NXNL2: variants seen among roughly 807,000 people sequenced by gnomAD.
NXNL2 encodes the protein nucleoredoxin-like protein 2.
NXNL2 carries 7 observed loss-of-function variants against 11.1 expected under a neutral mutation model. The observed-to-expected ratio is 0.63, with a 90% CI of 0.36 to 1.18. The LOEUF (loss-of-function observed/expected upper bound fraction) is 1.18. NXNL2 is among the 50% of genes most tolerant of loss of function. The pLI is 0.02. For missense variants in NXNL2, 233 were observed against 217.7 expected, an observed-to-expected ratio of 1.07 and a Z score of -0.44; for synonymous variants, 109 against 101.8, an observed-to-expected ratio of 1.07 and a Z score of -0.42.
At chr9:88,566,113 G>A (rs1372976118) in intron 1 of NXNL2, among the ~76,000 whole-genome samples, 1 of 152,076 alleles carries the variant, frequency 6.6e-6, no homozygotes, top group Non-Finnish European at 1.5e-5. Context: ...ACAGTTTACA[G>A]ATATTTTCTC....
chr9:88,572,051 G>A (rs1475024324), intron 2 of NXNL2, among the ~76,000 whole-genome samples: 3 of 152,192 alleles, frequency 2.0e-5, no homozygotes. Context: ...CGTGCCCAGA[G>A]AAGGCGGTTT....
At chr9:88,579,273 C>G (rs532407805), downstream of NXNL2, among the ~76,000 whole-genome samples, 1 of 152,172 alleles carries the variant, frequency 6.6e-6, no homozygotes, top group Non-Finnish European at 1.5e-5. Flanking sequence ...CTCTTGGTTG[C>G]GGGAGGCCCC....
At chr9:88,575,932 T>A (rs1338740156), downstream of NXNL2, 1 of 152,210 alleles carries the variant, frequency 6.6e-6, no homozygotes, top group African/African-American at 2.4e-5. Context: ...CGGTGGCTCA[T>A]ACCTGTAATC....
At chr9:88,578,108 G>A (rs1252924504), downstream of NXNL2, among the ~76,000 whole-genome samples, 2 of 152,210 alleles carry the variant, frequency 1.3e-5, no homozygotes, top group Non-Finnish European at 2.9e-5. Context: ...TGGGGTGGTA[G>A]AGGGCACCCC....
chr9:88,551,778 T>C (rs1220187002), intron 1 of NXNL2, among the ~76,000 whole-genome samples: 2 of 152,226 alleles, frequency 1.3e-5, no homozygotes, highest in African/African-American at 4.8e-5. Flanking sequence ...AAGATTGCTC[T>C]TTCTGGCTTG....
At chr9:88,542,639 A>G (rs1829784017) in intron 1 of NXNL2, among the ~76,000 whole-genome samples, 1 of 152,208 alleles carries the variant, frequency 6.6e-6, no homozygotes, top group African/African-American at 2.4e-5. Flanking sequence ...TGGTCTGATT[A>G]AGTGATCTAT....
chr9:88,576,206 AAAAC>A (rs565558510), downstream of NXNL2, among the ~76,000 whole-genome samples: 79 of 152,348 alleles, frequency 5.2e-4, no homozygotes, highest in Non-Finnish European at 8.4e-4. Flanking sequence ...AAAAGAAAAC[AAAAC>A]AAACAAACAA....
At chr9:88,567,550 T>A (rs1166366745) in intron 1 of NXNL2, among the ~76,000 whole-genome samples, 1 of 152,228 alleles carries the variant, frequency 6.6e-6, no homozygotes, top group African/African-American at 2.4e-5. Context: ...CTTCAATAAA[T>A]ATCCTTGTAT....
chr9:88,541,211 G>T (rs373073827), intron 1 of NXNL2, among the ~76,000 whole-genome samples: 1 of 150,116 alleles, frequency 6.7e-6, no homozygotes, highest in African/African-American at 2.5e-5. Flanking sequence ...GACCAGGCTG[G>T]CCTGATTTTT....
At chr9:88,548,339 C>CAAAAAAAAAAA (rs60796870), downstream of NXNL2, among the ~76,000 whole-genome samples, 1 of 31,068 alleles carries the variant, frequency 3.2e-5, no homozygotes, top group Non-Finnish European at 5.5e-5. Context: ...GACTTTTTCT[C>CAAAAAAAAAAA]AAAAAAAAAA....
At chr9:88,545,826 G>T (rs1435480995), downstream of NXNL2, among the ~76,000 whole-genome samples, 1 of 151,922 alleles carries the variant, frequency 6.6e-6, no homozygotes, top group Non-Finnish European at 1.5e-5. Context: ...GAGTGCAATG[G>T]CGCGGTCTCA....
chr9:88,567,331 G>A (rs7870553), intron 1 of NXNL2, among the ~76,000 whole-genome samples: 26,526 of 151,982 alleles, frequency 0.17, 3,650 homozygotes, highest in East Asian at 0.78. Flanking sequence ...TACAGACAGG[G>A]TTTCACCATG....
At chr9:88,554,112 G>A (rs1381039658) in intron 1 of NXNL2, among the ~76,000 whole-genome samples, 2 of 152,204 alleles carry the variant, frequency 1.3e-5, no homozygotes, top group African/African-American at 4.8e-5. Context: ...CAGGGCCTCA[G>A]GCAGGGATAA....
downstream of NXNL2, among the ~76,000 whole-genome samples, chr9:88,547,612 TA>T (rs1267737716): frequency 1.3e-5 from 2 of 152,336 alleles, no homozygotes; most frequent in Non-Finnish European, 2.9e-5. Flanking sequence ...TGTCCTATGC[TA>T]ATTTTGATTG....
At chr9:88,572,075 T>C (rs1261062481) in intron 2 of NXNL2, among the ~76,000 whole-genome samples, 2 of 152,010 alleles carry the variant, frequency 1.3e-5, no homozygotes, top group African/African-American at 4.8e-5. Flanking sequence ...CCTCCCTCAG[T>C]CCCCCATAGC....
At position 88,552,763 on chromosome 9, in the gene NXNL2, CCG is replaced by C. The variant is rs869193944; in HGVS notation, c.302+17028_302+17029del. ...GGATTACAGGCATGAGCCACCGCGC[CCG>C]GTGAAACATGCATTCTTAACCTTTA... On this transcript the variant is annotated intron_variant, in intron 1 of 2. Transcript: ENST00000375855. Among the ~76,000 whole-genome samples the C allele has an allele frequency of 2.5e-4, 38 of 152,294 alleles. 1 individual carries two copies. The highest frequency in any genetic ancestry group is 9.1e-4 in the African/African-American group (38 of 41,562).
chr9:88,558,725 C>T (rs1830049499), intron 1 of NXNL2, among the ~76,000 whole-genome samples: 6 of 152,114 alleles, frequency 3.9e-5, no homozygotes, highest in Admixed American at 3.9e-4. Flanking sequence ...TTATAAGACT[C>T]CCAGCTGGTG....
chr9:88,549,727 C>T (rs1829901037), downstream of NXNL2, among the ~76,000 whole-genome samples: 1 of 152,170 alleles, frequency 6.6e-6, no homozygotes, highest in Admixed American at 6.6e-5. Flanking sequence ...TGCTTAGCTT[C>T]TTGGGAGGCC....
At chr9:88,538,201 T>A (rs1206153100) in intron 1 of NXNL2, among the ~76,000 whole-genome samples, 1 of 152,198 alleles carries the variant, frequency 6.6e-6, no homozygotes, top group Non-Finnish European at 1.5e-5. Flanking sequence ...AGGCAGAGGC[T>A]GCCAGCATGG....
Sources: gnomAD v4.1 joint callset for allele counts (sites outside exome capture counted in the v4.1 genomes callset) on GRCh38, gnomAD v4.1.1 for gene constraint, MANE v1.5 for transcripts, NCBI Gene and HGNC (gene_info 2026-07-23, HGNC 2026-07-21) for gene names.